Variants in DZIP3 observed in about 807,000 individuals in gnomAD.
The protein encoded by DZIP3 is E3 ubiquitin-protein ligase DZIP3.
Under a neutral mutation model 162.0 loss-of-function variants are expected in DZIP3, and 118 were observed. That is an observed-to-expected ratio of 0.73 (90% confidence interval 0.63 to 0.85). DZIP3 has a LOEUF of 0.85. Among genes scored for constraint, DZIP3 ranks in the 40% least tolerant of loss-of-function variants. DZIP3 has a pLI of 0.00. For synonymous variants in DZIP3, 438 were observed against 458.6 expected, an observed-to-expected ratio of 0.96 and a Z score of 0.57; for missense variants, 1,331 against 1,407.0, an observed-to-expected ratio of 0.95 and a Z score of 0.86.
chr3:108,679,644 C>T (rs1474491250), intron 26 of DZIP3, among the ~76,000 whole-genome samples: 1 of 152,082 alleles, frequency 6.6e-6, no homozygotes, highest in African/African-American at 2.4e-5. Context: ...ATGGTACCTA[C>T]AATGGAAGTA....
chr3:108,617,317 A>C (rs1373427557), intron 5 of DZIP3, among the ~76,000 whole-genome samples: 1 of 152,190 alleles, frequency 6.6e-6, no homozygotes, highest in Non-Finnish European at 1.5e-5. Flanking sequence ...AATTAGCTTG[A>C]GTTAGTCATT....
intron 1 of DZIP3, among the ~76,000 whole-genome samples, chr3:108,603,661 ATC>A (rs573912944): frequency 2.6e-5 from 4 of 152,148 alleles, no homozygotes; most frequent in Non-Finnish European, 4.4e-5. Context: ...TTAGAAGGAA[ATC>A]TCTCTCTCTG....
intron 19 of DZIP3, among the ~76,000 whole-genome samples, chr3:108,659,531 A>G (rs1050632599): frequency 6.6e-6 from 1 of 152,170 alleles, no homozygotes; most frequent in African/African-American, 2.4e-5. Context: ...AGCCAATATC[A>G]TACTGAATGG....
chr3:108,594,809 A>G (rs1380958416), intron 1 of DZIP3, among the ~76,000 whole-genome samples: 1 of 152,202 alleles, frequency 6.6e-6, no homozygotes, highest in Non-Finnish European at 1.5e-5. Context: ...ATATTTTTAA[A>G]TAAAAATCAT....
chr3:108,661,134 G>T (rs1021870886), intron 19 of DZIP3, among the ~76,000 whole-genome samples: 20 of 152,016 alleles, frequency 1.3e-4, no homozygotes, highest in Non-Finnish European at 2.2e-4. Flanking sequence ...CCCATTACTG[G>T]GTATATACCC....
At chr3:108,659,618 G>A (rs1300841751) in intron 19 of DZIP3, among the ~76,000 whole-genome samples, 1 of 151,898 alleles carries the variant, frequency 6.6e-6, no homozygotes, top group South Asian at 2.1e-4. Flanking sequence ...ATTCAACATA[G>A]TGTTGGAAGT....
At chr3:108,623,412 C>T (rs1941458154) in intron 5 of DZIP3, among the ~76,000 whole-genome samples, 1 of 152,158 alleles carries the variant, frequency 6.6e-6, no homozygotes, top group African/African-American at 2.4e-5. Flanking sequence ...TGGGTTCTTA[C>T]CTTCAAGGCA....
rs780802057 is a variant in DZIP3, at chr3:108,608,088, G to A, written c.33-1G>A. 1.2e-6 allele frequency: 2 copies of A among 1,610,690 alleles called. No homozygotes were observed. The highest frequency in any genetic ancestry group is 2.2e-5 in the South Asian group (2 of 90,872). On this transcript the variant is annotated splice_acceptor_variant, in intron 2 of 32. Coordinates refer to ENST00000361582, the MANE Select transcript of DZIP3 (RefSeq NM_014648.4). LOFTEE classifies it high-confidence loss of function. ...ATATACCTCATTTTCATTTAAAATA[G>A]GCATCCTGCTGTGGAGGATCAGAGG...
At chr3:108,660,580 A>G (rs1184961359) in intron 19 of DZIP3, among the ~76,000 whole-genome samples, 1 of 152,080 alleles carries the variant, frequency 6.6e-6, no homozygotes, top group Non-Finnish European at 1.5e-5. Context: ...AGGCATGGGC[A>G]AGGACTTCAT....
chr3:108,661,161 T>C (rs1943410429), intron 19 of DZIP3, among the ~76,000 whole-genome samples: 1 of 152,204 alleles, frequency 6.6e-6, no homozygotes, highest in Non-Finnish European at 1.5e-5. Context: ...TTATAAATCA[T>C]GCTGCTATAA....
intron 25 of DZIP3, 35 bp downstream of exon 25, chr3:108,675,908 T>C (rs762107136): frequency 1.3e-6 from 2 of 1,571,748 alleles, no homozygotes; most frequent in Admixed American, 3.5e-5. Context: ...AAAATTGGCT[T>C]AATGTTATAG....
intron 1 of DZIP3, among the ~76,000 whole-genome samples, chr3:108,599,015 G>T (rs900692163): frequency 6.6e-6 from 1 of 152,168 alleles, no homozygotes; most frequent in Non-Finnish European, 1.5e-5. Context: ...AAGTCCAAAA[G>T]TAACTAATTG....
At chr3:108,677,350 TTGGTCAGAACCTG>T in intron 25 of DZIP3, 134 bp from the exon 26 acceptor site, 1 of 539,620 alleles carries the variant, frequency 1.9e-6, no homozygotes. Flanking sequence ...TTTTTTTTTT[TTGGTCAGAACCTG>T]TTTTTATATT....
intron 14 of DZIP3, 62 bp downstream of exon 14, chr3:108,644,843 C>T: frequency 6.7e-7 from 1 of 1,495,804 alleles, no homozygotes; most frequent in Non-Finnish European, 9.1e-7. Flanking sequence ...TGCTCTGTGC[C>T]AGGCACAGTG....
intron 12 of DZIP3, among the ~76,000 whole-genome samples, chr3:108,641,384 T>C (rs1021020458): frequency 6.6e-6 from 1 of 152,208 alleles, no homozygotes; most frequent in Admixed American, 6.5e-5. Context: ...ATTATAGTTG[T>C]AGTGTTTTCA....
intron 19 of DZIP3, among the ~76,000 whole-genome samples, chr3:108,656,369 T>G (rs1475686946): frequency 6.6e-6 from 1 of 152,150 alleles, no homozygotes; most frequent in African/African-American, 2.4e-5. Context: ...CCACTGCTGA[T>G]ACCCAGGCAA....
intron 19 of DZIP3, among the ~76,000 whole-genome samples, chr3:108,661,306 T>TA (rs1429004733): frequency 6.6e-6 from 1 of 152,028 alleles, no homozygotes; most frequent in African/African-American, 2.4e-5. Flanking sequence ...TATGCAGCCA[T>TA]AAAAAATGAT....
intron 12 of DZIP3, among the ~76,000 whole-genome samples, chr3:108,641,504 C>T (rs1436766132): frequency 6.6e-6 from 1 of 152,138 alleles, no homozygotes; most frequent in Non-Finnish European, 1.5e-5. Flanking sequence ...AGTGAACACT[C>T]TTGTACATGT....
chr3:108,653,505 GTGTATATATATA>G (rs1358575218), intron 18 of DZIP3, among the ~76,000 whole-genome samples: 125 of 67,838 alleles, frequency 1.8e-3, no homozygotes, highest in African/African-American at 6.6e-3. Context: ...TTGTGTGTGT[GTGTATATATATA>G]TATATATATA....
Sources: gnomAD v4.1 joint callset for allele counts (sites outside exome capture counted in the v4.1 genomes callset) on GRCh38, gnomAD v4.1.1 for gene constraint, MANE v1.5 for transcripts, NCBI Gene and HGNC (gene_info 2026-07-23, HGNC 2026-07-21) for gene names.